CCNB3: variants seen among roughly 807,000 people sequenced by gnomAD.
CCNB3 encodes the protein cyclin B3.
A neutral mutation model predicts 68.0 loss-of-function variants in CCNB3; 12 were observed. The ratio of observed to expected loss-of-function variants is 0.18; its 90% confidence interval spans 0.11 to 0.29. The LOEUF is 0.29. Ranked by LOEUF, CCNB3 falls within the 10% of genes least tolerant of loss-of-function variation. CCNB3 has a pLI of 1.00. For missense variants in CCNB3, 904 were observed against 993.1 expected (o/e 0.91, Z 1.21); for synonymous variants, 354 against 388.9 (o/e 0.91, Z 1.06).
At chrX:50,301,454 T>C (rs1270823713) in intron 5 of CCNB3, among the ~76,000 whole-genome samples, 1 of 111,803 alleles carries the variant, frequency 8.9e-6, no homozygotes, top group Admixed American at 9.5e-5. Flanking sequence ...CAGCAGATAT[T>C]GGTGAACCGC....
At chrX:50,333,494 C>T (rs73495687) in intron 8 of CCNB3, among the ~76,000 whole-genome samples, 2,588 of 111,442 alleles carry the variant, frequency 0.023, 65 homozygotes, top group African/African-American at 0.081. Context: ...TGTTGTGTTA[C>T]GGCTTTGGCA....
At chrX:50,226,827 C>A (rs1413791549) in intron 1 of CCNB3, among the ~76,000 whole-genome samples, 1 of 57,305 alleles carries the variant, frequency 1.7e-5, no homozygotes, top group Non-Finnish European at 3.0e-5. Context: ...TAAATATATA[C>A]ATGAATATAT....
chrX:50,314,752 A>G (rs1265393605), intron 8 of CCNB3, among the ~76,000 whole-genome samples: 1 of 111,502 alleles, frequency 9.0e-6, no homozygotes, highest in Admixed American at 9.6e-5. Context: ...AGGTAAGAGT[A>G]AAATTTGGGT....
chrX:50,280,044 A>T (rs1243572266), intron 1 of CCNB3, among the ~76,000 whole-genome samples: 2 of 83,813 alleles, frequency 2.4e-5, no homozygotes, highest in South Asian at 5.4e-4. Context: ...ATATAGACAG[A>T]ATATATATAA....
At chrX:50,297,248 T>C (rs1602210049) in intron 5 of CCNB3, among the ~76,000 whole-genome samples, 1 of 111,818 alleles carries the variant, frequency 8.9e-6, no homozygotes, top group Non-Finnish European at 1.9e-5. Flanking sequence ...TCTTCTAGGG[T>C]TTTTATGGTT....
chrX:50,351,729 T>C lies in CCNB3; in HGVS notation c.*26T>C. On this transcript the variant is annotated 3_prime_UTR_variant, in exon 13 of 13. Transcript: ENST00000376042. The stretch of plus-strand genomic sequence containing the variant: ...CAGCAGCCACAGGGCTAAGCATGCA[T>C]GTTAACAGGGTATATTTATTCTATG... 9.3e-7 allele frequency: 1 copy of C among 1,070,299 alleles called. No individual in the cohort carries two copies. The highest frequency in any genetic ancestry group is 1.8e-5 in the African/African-American group (1 of 55,023). The allele number at this position is 1,070,299 out of a possible 1,213,427, so 88.2% of individuals were successfully genotyped here.
intron 5 of CCNB3, among the ~76,000 whole-genome samples, chrX:50,302,177 T>C (rs143578837): frequency 0.08 from 8,940 of 111,866 alleles, 849 homozygotes; most frequent in African/African-American, 0.27. Flanking sequence ...GTGAGGTGAA[T>C]CTGGTACCTC....
intron 4 of CCNB3, among the ~76,000 whole-genome samples, chrX:50,293,759 C>A (rs1390922451): frequency 1.8e-5 from 2 of 111,272 alleles, no homozygotes; most frequent in Non-Finnish European, 3.8e-5. Flanking sequence ...TATCTACAAC[C>A]TCCTGCAGAC....
intron 1 of CCNB3, among the ~76,000 whole-genome samples, chrX:50,205,335 G>C (rs369894898): frequency 1.8e-5 from 2 of 111,784 alleles, no homozygotes; most frequent in African/African-American, 3.3e-5. Flanking sequence ...CCAGCTACTC[G>C]GGAGGCTGAG....
In CCNB3 at chrX:50,315,615, G is replaced by T. The variant is rs184265865; in HGVS notation, c.3516+1667G>T. 7.2e-5 allele frequency among the ~76,000 whole-genome samples: 8 copies of T among 111,305 alleles called. No individual in the cohort carries two copies. The East Asian group carries it at 8.4e-4, about 12-fold the overall frequency. On this transcript the variant is annotated intron_variant, in intron 8 of 12. Coordinates refer to ENST00000376042, the MANE Select transcript of CCNB3 (RefSeq NM_033031.3). ...AGCAGTTTTACATGCACTCATTTGGGGGTGTGTATAGTCTATTTGATCACA... is the reference window on the plus strand; with the variant it reads ...AGCAGTTTTACATGCACTCATTTGGTGGTGTGTATAGTCTATTTGATCACA...
chrX:50,226,870 T>C (rs1262507367), intron 1 of CCNB3, among the ~76,000 whole-genome samples: 23 of 75,537 alleles, frequency 3.0e-4, no homozygotes, highest in Non-Finnish European at 4.8e-4. Flanking sequence ...ATAGAATATA[T>C]AGAATATATA....
chrX:50,346,580 C>T, intron 9 of CCNB3, 72 bp from the exon 10 acceptor site: 1 of 1,053,093 alleles, frequency 9.5e-7, no homozygotes, highest in Non-Finnish European at 1.3e-6. Flanking sequence ...CTTCTCCCTG[C>T]TGACTTTTAC....
At chrX:50,280,564 T>C (rs1026553056) in intron 1 of CCNB3, among the ~76,000 whole-genome samples, 5 of 109,428 alleles carry the variant, frequency 4.6e-5, no homozygotes, top group Admixed American at 4.0e-4. Context: ...CTCTGCACTT[T>C]GGGTCCTCAT....
chrX:50,281,792 T>C (rs2147016583), intron 1 of CCNB3, among the ~76,000 whole-genome samples: 1 of 111,826 alleles, frequency 8.9e-6, no homozygotes, highest in South Asian at 3.8e-4. Flanking sequence ...TGCAGAGGGA[T>C]CAGACATATT....
chrX:50,207,985 A>G (rs1935400519), intron 1 of CCNB3, among the ~76,000 whole-genome samples: 1 of 111,889 alleles, frequency 8.9e-6, no homozygotes, highest in South Asian at 3.8e-4. Flanking sequence ...AGGTTTGCCT[A>G]TTCCAGACAT....
chrX:50,325,913 T>A (rs1922274092), intron 8 of CCNB3, among the ~76,000 whole-genome samples: 1 of 111,453 alleles, frequency 9.0e-6, no homozygotes, highest in Admixed American at 9.5e-5. Flanking sequence ...GTTTTTTTTT[T>A]ATTATCCTTT....
rs1191462319 is a variant in CCNB3, at chrX:50,305,130, T to C, written c.336-3375T>C. 2.5e-4 allele frequency among the ~76,000 whole-genome samples: 28 copies of C among 111,805 alleles called. No homozygotes were observed. The Middle Eastern group carries it at 0.019, about 74-fold the overall frequency. ...CAGGGATCTAGAACTAGAAATACCA[T>C]TTGACCCAGCCATCCCATTACTGGG... On this transcript the variant is annotated intron_variant, in intron 5 of 12. Coordinates refer to ENST00000376042, the MANE Select transcript of CCNB3 (RefSeq NM_033031.3).
At chrX:50,216,864 T>TGTGC (rs1302018245) in intron 1 of CCNB3, among the ~76,000 whole-genome samples, 1 of 111,493 alleles carries the variant, frequency 9.0e-6, no homozygotes, top group African/African-American at 3.3e-5. Flanking sequence ...TGTGTGTGTG[T>TGTGC]GTGTGTGTGT....
rs1322356487 is a variant in CCNB3, at chrX:50,309,559, G to C, written c.1390G>C (p.Glu464Gln). 7 of 1,209,216 alleles carry C rather than the reference G, an allele frequency of 5.8e-6. No individual in the cohort carries two copies. In the African/African-American group the frequency reaches 1.2e-4, roughly 21 times the overall value. The change falls in exon 6 of 13, where the codon GAG becomes CAG. Residue 464 changes from glutamate to glutamine, a missense_variant. Glu to Gln is a conservative substitution (Grantham distance 29). Transcript: ENST00000376042. ...GTCCTTGCTAAAGTCTCCAACTGAG[G>C]AGTCACCTTTTGATGAGGCTTTGGC... ...PSSLLKSPTEESPFDEALAFT... is the reference protein window; with the variant it reads ...PSSLLKSPTEQSPFDEALAFT...
Sources: allele counts gnomAD v4.1 joint callset (sites outside exome capture counted in the v4.1 genomes callset), GRCh38; gene constraint gnomAD v4.1.1; transcripts MANE v1.5; gene names NCBI Gene and HGNC (gene_info 2026-07-23, HGNC 2026-07-21).